The following MBOAT1 variants were observed in gnomAD, a reference collection of about 807,000 sequenced individuals.
MBOAT1 encodes membrane-bound glycerophospholipid O-acyltransferase 1.
A neutral mutation model predicts 64.4 loss-of-function variants in MBOAT1; 67 were observed. That is an observed-to-expected ratio of 1.04 (90% confidence interval 0.85 to 1.27). MBOAT1 has a LOEUF of 1.27. MBOAT1 is among the 50% of genes most tolerant of loss of function. MBOAT1 has a pLI of 0.00. For synonymous variants in MBOAT1, 229 were observed against 218.9 expected (o/e 1.05, Z -0.41); for missense variants, 563 against 604.6 (o/e 0.93, Z 0.72).
intron 1 of MBOAT1, among the ~76,000 whole-genome samples, chr6:20,169,180 A>G (rs1250848519): frequency 6.6e-6 from 1 of 152,206 alleles, no homozygotes; most frequent in East Asian, 1.9e-4. Flanking sequence ...GCCATGAGTA[A>G]GATCTCTGGG....
In MBOAT1 at chr6:20,210,777, C is replaced by T. The variant is rs1763396255; in HGVS notation, c.99+1359G>A. On this transcript the variant is annotated intron_variant, in intron 1 of 12. Coordinates refer to ENST00000324607, the MANE Select transcript of MBOAT1 (RefSeq NM_001080480.3). ...GCCATACAAAAAGCCTTCCTGGAGT[C>T]TTTCTAGCTGTGTAGAAGAGCTTAG... 2.0e-5 allele frequency among the ~76,000 whole-genome samples: 3 copies of T among 152,150 alleles called. No individual in the cohort carries two copies. In the South Asian group the frequency reaches 6.2e-4, roughly 32 times the overall value.
intron 1 of MBOAT1, among the ~76,000 whole-genome samples, chr6:20,178,575 A>G (rs1387584625): frequency 6.6e-6 from 1 of 152,234 alleles, no homozygotes; most frequent in Non-Finnish European, 1.5e-5. Flanking sequence ...AATCCTTATC[A>G]AACGCTAATC....
chr6:20,127,826 C>A (rs923607719), intron 6 of MBOAT1, among the ~76,000 whole-genome samples: 33 of 152,122 alleles, frequency 2.2e-4, no homozygotes, highest in Non-Finnish European at 4.6e-4. Flanking sequence ...ACCATCCCCC[C>A]ACCACCACCC....
chr6:20,169,709 G>A (rs1762135148), intron 1 of MBOAT1, among the ~76,000 whole-genome samples: 1 of 152,118 alleles, frequency 6.6e-6, no homozygotes, highest in South Asian at 2.1e-4. Context: ...CCAATTATAG[G>A]TTTTTAAAAA....
At chr6:20,121,362 G>A (rs541714071) in intron 8 of MBOAT1, among the ~76,000 whole-genome samples, 3 of 152,284 alleles carry the variant, frequency 2.0e-5, no homozygotes, top group East Asian at 1.9e-4. Flanking sequence ...AGACCAGCCC[G>A]TGCAATCTAA....
At chr6:20,203,064 G>A (rs966430638) in intron 1 of MBOAT1, among the ~76,000 whole-genome samples, 27 of 152,300 alleles carry the variant, frequency 1.8e-4, no homozygotes, top group South Asian at 4.1e-4. Flanking sequence ...AGCACTTTGG[G>A]AGGCCAAGGC....
At chr6:20,120,006 C>CGT (rs10630791) in intron 8 of MBOAT1, among the ~76,000 whole-genome samples, 24,188 of 150,624 alleles carry the variant, frequency 0.16, 2,299 homozygotes, top group East Asian at 0.41. Context: ...TGTGTGTGTG[C>CGT]GTGTGTGTGT....
At chr6:20,153,148 T>C (rs1441318279) in intron 1 of MBOAT1, among the ~76,000 whole-genome samples, 1 of 152,188 alleles carries the variant, frequency 6.6e-6, no homozygotes, top group Admixed American at 6.5e-5. Context: ...TCTTGTTTTT[T>C]GCAGATTTCC....
At chr6:20,131,340 G>T in intron 4 of MBOAT1, 141 bp from the exon 5 acceptor site, 1 of 689,162 alleles carries the variant, frequency 1.5e-6, no homozygotes, top group South Asian at 1.6e-5. Flanking sequence ...GGAGGTAATT[G>T]AATCATGGGG....
intron 1 of MBOAT1, among the ~76,000 whole-genome samples, chr6:20,170,573 C>T (rs1347401847): frequency 6.6e-6 from 1 of 152,136 alleles, no homozygotes; most frequent in East Asian, 1.9e-4. Context: ...ATATAGCTAC[C>T]TGAATTCAGG....
At chr6:20,205,784 A>T (rs1763245522) in intron 1 of MBOAT1, among the ~76,000 whole-genome samples, 1 of 152,098 alleles carries the variant, frequency 6.6e-6, no homozygotes, top group Admixed American at 6.5e-5. Flanking sequence ...GCTAACAGCA[A>T]GCTCTTCAGA....
chr6:20,116,079 C>T (rs1287886095), intron 9 of MBOAT1, among the ~76,000 whole-genome samples: 1 of 152,122 alleles, frequency 6.6e-6, no homozygotes, highest in Non-Finnish European at 1.5e-5. Flanking sequence ...TGCCTGCAAT[C>T]CCAGCACTTT....
intron 1 of MBOAT1, among the ~76,000 whole-genome samples, chr6:20,181,374 T>A (rs963970762): frequency 6.6e-6 from 1 of 152,162 alleles, no homozygotes; most frequent in African/African-American, 2.4e-5. Context: ...CTTTTCTTTC[T>A]CCTCCTAGTA....
intron 5 of MBOAT1, 102 bp from the exon 6 acceptor site, chr6:20,128,855 T>A (rs1760735383): frequency 3.7e-6 from 3 of 810,310 alleles, no homozygotes; most frequent in Non-Finnish European, 5.7e-6. Flanking sequence ...GTAATCTTTG[T>A]TTGCTTCATA....
chr6:20,205,203 A>G (rs1361224287), intron 1 of MBOAT1, among the ~76,000 whole-genome samples: 1 of 152,168 alleles, frequency 6.6e-6, no homozygotes, highest in Non-Finnish European at 1.5e-5. Flanking sequence ...CATCTCAGAA[A>G]GAAAAGAGAG....
intron 4 of MBOAT1, among the ~76,000 whole-genome samples, chr6:20,133,083 T>G (rs981303765): frequency 4.6e-5 from 7 of 152,238 alleles, no homozygotes; most frequent in African/African-American, 1.2e-4. Flanking sequence ...TTACCACTAT[T>G]ACCCAAATTT....
At chr6:20,178,905 A>T (rs965085381) in intron 1 of MBOAT1, among the ~76,000 whole-genome samples, 1 of 151,810 alleles carries the variant, frequency 6.6e-6, no homozygotes, top group African/African-American at 2.4e-5. Flanking sequence ...ATTCTAACTC[A>T]AAAATTCCTA....
chr6:20,157,887 G>T (rs1456756724), intron 1 of MBOAT1, among the ~76,000 whole-genome samples: 3 of 152,134 alleles, frequency 2.0e-5, no homozygotes, highest in African/African-American at 7.2e-5. Context: ...AGCCCGCAGT[G>T]GCTCATGCCT....
At chr6:20,139,233 C>T (rs1481225038) in intron 4 of MBOAT1, among the ~76,000 whole-genome samples, 5 of 152,180 alleles carry the variant, frequency 3.3e-5, no homozygotes, top group Non-Finnish European at 5.9e-5. Context: ...TCAGGCGATT[C>T]CCCTGCTTCA....
Sources: gnomAD v4.1 joint callset for allele counts (sites outside exome capture counted in the v4.1 genomes callset) on GRCh38, gnomAD v4.1.1 for gene constraint, MANE v1.5 for transcripts, NCBI Gene and HGNC (gene_info 2026-07-23, HGNC 2026-07-21) for gene names.